The following HNRNPDL variants were observed in gnomAD, a reference collection of about 807,000 sequenced individuals.
HNRNPDL encodes the protein heterogeneous nuclear ribonucleoprotein D-like.
A neutral mutation model predicts 48.0 loss-of-function variants in HNRNPDL; 18 were observed. That is an observed-to-expected ratio of 0.38 (90% CI 0.26 to 0.56). The LOEUF (loss-of-function observed/expected upper bound fraction) is 0.56, where lower values mean the gene tolerates loss of function less well. Among genes scored for constraint, HNRNPDL ranks in the 20% least tolerant of loss-of-function variants. The pLI is 0.77. For synonymous variants in HNRNPDL, 306 were observed against 207.3 expected (o/e 1.48, Z -4.09); for missense variants, 553 against 540.7 (o/e 1.02, Z -0.23).
intron 5 of HNRNPDL, among the ~76,000 whole-genome samples, 200 bp downstream of exon 5, chr4:82,426,990 G>C (rs1352655817): frequency 3.9e-5 from 6 of 152,070 alleles, no homozygotes. Context: ...TTGTCAAAGT[G>C]GCCACACTTT....
Position 82,429,997 on chromosome 4 carries a change from T to G in HNRNPDL, c.-307A>C. On this transcript the variant is annotated 5_prime_UTR_variant, in exon 1 of 8. Coordinates refer to ENST00000295470, the MANE Select transcript of HNRNPDL (RefSeq NM_031372.4). ...CAGTCTGCTCCGGAAAAAGGCGGAC[T>G]GCGCCCGGCGCTGGCGACTGAGGCG... 11 of 170,110 alleles carry G rather than the reference T, an allele frequency of 6.5e-5. No individual in the cohort carries two copies. Among genetic ancestry groups the G allele is most frequent in the Non-Finnish European group, 1.1e-4 (9 of 81,306 alleles). 10.5% of individuals were successfully genotyped at this position (170,110 alleles called of 1,614,324 possible). A position where few individuals can be genotyped will look rare whatever the true frequency, so the allele number is the denominator to read the frequency against.
At chr4:82,426,382 C>T in intron 6 of HNRNPDL, 81 bp downstream of exon 6, 1 of 1,286,390 alleles carries the variant, frequency 7.8e-7, no homozygotes, top group South Asian at 1.3e-5. Flanking sequence ...AAAGCCCATA[C>T]ACACAATTTC....
Position 82,428,277 on chromosome 4 carries a change from C to T in HNRNPDL, c.612+1G>A, listed in dbSNP as rs749964166. 1 of 1,612,040 alleles carries T rather than the reference C, an allele frequency of 6.2e-7. No individual in the cohort carries two copies. On this transcript the variant is annotated splice_donor_variant, in intron 2 of 7. Transcript: ENST00000295470. LOFTEE classifies it high-confidence loss of function. Reference sequence around the variant, plus strand: ...AGCACAATGCAAAACATAGTTCCTACCTTATCAACACTAGCAGCATCTTTG... The same window carrying T: ...AGCACAATGCAAAACATAGTTCCTATCTTATCAACACTAGCAGCATCTTTG...
rs1030144330 is a variant in HNRNPDL, at chr4:82,424,531, T to C, written c.*375A>G. The C allele has an allele frequency of 6.6e-6, 1 of 152,668 alleles. No individual in the cohort carries two copies. The highest frequency in any genetic ancestry group is 2.4e-5 in the African/African-American group (1 of 41,460). 9.5% of individuals were successfully genotyped at this position (152,668 alleles called of 1,614,324 possible). On this transcript the variant is annotated 3_prime_UTR_variant, in exon 8 of 8. Transcript: ENST00000295470. ...TATAAAGGACCACAGTTTCTCTGTA[T>C]GGACCAATACTCTACAAAATCAACT...
Position 82,429,711 on chromosome 4 carries a change from G to T in HNRNPDL, c.-21C>A, listed in dbSNP as rs375343775. On this transcript the variant is annotated 5_prime_UTR_variant, in exon 1 of 8. Transcript: ENST00000295470. ...TCCATCGCGGCCCTCCCGGCAAGGAGAGAGGCCACGCGTGAGGGGACGCGG... is the reference window on the plus strand; with the variant it reads ...TCCATCGCGGCCCTCCCGGCAAGGATAGAGGCCACGCGTGAGGGGACGCGG... 6.8e-5 allele frequency: 91 copies of T among 1,346,544 alleles called. No homozygotes were observed. The African/African-American group carries it at 1.2e-3, about 18-fold the overall frequency. The allele number at this position is 1,346,544 out of a possible 1,614,324, so 83.4% of individuals were successfully genotyped here.
chr4:82,425,736 C>A, intron 7 of HNRNPDL: 1 of 271,156 alleles, frequency 3.7e-6, no homozygotes, highest in East Asian at 7.4e-5. Context: ...TAAGTTGTAC[C>A]CATTTCAGTA....
chr4:82,427,678 TTCTATACAGACATCACTGCTTTATGA>T (rs1721474441), intron 3 of HNRNPDL, 114 bp from the exon 4 acceptor site: 2 of 923,840 alleles, frequency 2.2e-6, no homozygotes, highest in Non-Finnish European at 3.4e-6. Context: ...ATCGGGTGAC[TTCTATACAGACATCACTGCTTTATGA>T]TCAACATCAG....
rs1560455512 is a variant in HNRNPDL, at chr4:82,423,737, ATT to A, written c.*1167_*1168del. On this transcript the variant is annotated 3_prime_UTR_variant, in exon 8 of 8. Transcript: ENST00000295470. Reference sequence around the variant, plus strand: ...CCTCTGAAACCTGGATATAAAACGGATTCTTTTCAATGCACCCAGAGGGTCCA... The same window carrying A: ...CCTCTGAAACCTGGATATAAAACGGACTTTTCAATGCACCCAGAGGGTCCA... 1 of 152,192 alleles carries A rather than the reference ATT, an allele frequency of 6.6e-6. No homozygotes were observed. Among genetic ancestry groups the A allele is most frequent in the Non-Finnish European group, 1.5e-5 (1 of 68,032 alleles). 9.4% of individuals were successfully genotyped at this position (152,192 alleles called of 1,614,324 possible). A position where few individuals can be genotyped will look rare whatever the true frequency, so the allele number is the denominator to read the frequency against.
Position 82,429,438 on chromosome 4 carries a change from G to A in HNRNPDL, c.253C>T (p.Leu85Phe), listed in dbSNP as rs760917145. Reference protein sequence around the residue: ...IKGGRRRRPDLFRRHFKSSSI... With the variant: ...IKGGRRRRPDFFRRHFKSSSI... ...CTGGATTTAAAATGGCGGCGGAAGAGATCCGGGCGCCGCCTGCGCCCTCCC... is the reference window on the plus strand; with the variant it reads ...CTGGATTTAAAATGGCGGCGGAAGAAATCCGGGCGCCGCCTGCGCCCTCCC... The change falls in exon 1 of 8, where the codon CTC becomes TTC. Residue 85 changes from leucine to phenylalanine, a missense_variant. Around this residue, in one of 4 missense-constraint regions of HNRNPDL, gnomAD observed 327 missense variants for 203.2 expected, o/e 1.61. Coordinates refer to ENST00000295470, the MANE Select transcript of HNRNPDL (RefSeq NM_031372.4). The A allele has an allele frequency of 1.5e-5, 24 of 1,611,492 alleles. 1 individual carries two copies. Among genetic ancestry groups the A allele is most frequent in the Admixed American group, 6.7e-5 (4 of 59,804 alleles).
Position 82,424,524 on chromosome 4 carries a change from C to T in HNRNPDL, c.*382G>A, listed in dbSNP as rs1372164329. On this transcript the variant is annotated 3_prime_UTR_variant, in exon 8 of 8. Transcript: ENST00000295470. ...GGCTATTTATAAAGGACCACAGTTT[C>T]TCTGTATGGACCAATACTCTACAAA... 1 of 152,628 alleles carries T rather than the reference C, an allele frequency of 6.6e-6. No homozygotes were observed. The highest frequency in any genetic ancestry group is 1.5e-5 in the Non-Finnish European group (1 of 68,032). 9.5% of individuals were successfully genotyped at this position (152,628 alleles called of 1,614,324 possible). A position where few individuals can be genotyped will look rare whatever the true frequency, so the allele number is the denominator to read the frequency against.
At chr4:82,426,257 A>G in intron 6 of HNRNPDL, 128 bp from the exon 7 acceptor site, 3 of 902,118 alleles carry the variant, frequency 3.3e-6, no homozygotes, top group South Asian at 1.4e-5. Context: ...AGCACCCATT[A>G]GATGCTACTC....
chr4:82,423,912 TCAAGA>T lies in HNRNPDL; in HGVS notation c.*989_*993del, dbSNP rs1470298965. ...ACTGTGTCAAAAACTAGATTTACTA[TCAAGA>T]CTTTTTCTAAACTCACAGAGCATTA... On this transcript the variant is annotated 3_prime_UTR_variant, in exon 8 of 8. Transcript: ENST00000295470. The T allele has an allele frequency of 2.0e-5, 3 of 152,236 alleles. No individual in the cohort carries two copies. The highest frequency in any genetic ancestry group is 7.2e-5 in the African/African-American group (3 of 41,474). 9.4% of individuals were successfully genotyped at this position (152,236 alleles called of 1,614,324 possible). A position where few individuals can be genotyped will look rare whatever the true frequency, so the allele number is the denominator to read the frequency against.
intron 3 of HNRNPDL, 74 bp downstream of exon 3, chr4:82,427,944 C>T (rs1377042225): frequency 7.2e-7 from 1 of 1,395,316 alleles, no homozygotes; most frequent in African/African-American, 1.4e-5. Context: ...ATGAATCTGC[C>T]CTGCATAAAT....
Position 82,423,013 on chromosome 4 carries a change from T to C in HNRNPDL, c.*1893A>G, listed in dbSNP as rs991964916. 2.0e-5 allele frequency: 3 copies of C among 151,956 alleles called. No homozygotes were observed. Among genetic ancestry groups the C allele is most frequent in the Non-Finnish European group, 4.4e-5 (3 of 67,974 alleles). The allele number at this position is 151,956 out of a possible 1,614,324, so 9.4% of individuals were successfully genotyped here. A position where few individuals can be genotyped will look rare whatever the true frequency, so the allele number is the denominator to read the frequency against. On this transcript the variant is annotated 3_prime_UTR_variant, in exon 8 of 8. Coordinates refer to ENST00000295470, the MANE Select transcript of HNRNPDL (RefSeq NM_031372.4). Reference sequence around the variant, plus strand: ...CTTAGAGTATCTGTTCAAATTTGCATCAGTTGGTGAACTGATAGACCCTGA... The same window carrying C: ...CTTAGAGTATCTGTTCAAATTTGCACCAGTTGGTGAACTGATAGACCCTGA...
chr4:82,423,935 G>C lies in HNRNPDL; in HGVS notation c.*971C>G, dbSNP rs1257324728. On this transcript the variant is annotated 3_prime_UTR_variant, in exon 8 of 8. Transcript: ENST00000295470. ...TATCAAGACTTTTTCTAAACTCACA[G>C]AGCATTAACAGCTAATACAACTTCC... The C allele has an allele frequency of 3.3e-5, 5 of 152,206 alleles. No individual in the cohort carries two copies. The highest frequency in any genetic ancestry group is 7.2e-5 in the African/African-American group (3 of 41,454). 9.4% of individuals were successfully genotyped at this position (152,206 alleles called of 1,614,324 possible).
intron 1 of HNRNPDL, 63 bp from the exon 2 acceptor site, chr4:82,428,509 A>G: frequency 1.5e-6 from 2 of 1,311,558 alleles, no homozygotes; most frequent in Non-Finnish European, 2.1e-6. Context: ...CAGTTCTGGA[A>G]TTAAATCGTG....
chr4:82,428,511 T>G, intron 1 of HNRNPDL, 65 bp from the exon 2 acceptor site: 1 of 1,295,254 alleles, frequency 7.7e-7, no homozygotes, highest in South Asian at 1.4e-5. Flanking sequence ...GTTCTGGAAT[T>G]AAATCGTGAA....
At chr4:82,427,947 G>T in intron 3 of HNRNPDL, 71 bp downstream of exon 3, 1 of 1,421,960 alleles carries the variant, frequency 7.0e-7, no homozygotes, top group Non-Finnish European at 9.8e-7. Flanking sequence ...AATCTGCCCT[G>T]CATAAATCGG....
chr4:82,426,173 A>C, intron 6 of HNRNPDL, 44 bp from the exon 7 acceptor site: 1 of 1,510,762 alleles, frequency 6.6e-7, no homozygotes, highest in South Asian at 1.1e-5. Flanking sequence ...GTTTTCTACA[A>C]AACTTTCTTT....
Sources: gnomAD v4.1 joint callset for allele counts (sites outside exome capture counted in the v4.1 genomes callset) on GRCh38, gnomAD v4.1.1 for gene constraint, gnomAD v4.1.1 regional missense constraint, MANE v1.5 for transcripts, NCBI Gene and HGNC (gene_info 2026-07-23, HGNC 2026-07-21) for gene names.